The following ATP11A variants were observed in gnomAD, a reference collection of about 807,000 sequenced individuals.
ATP11A encodes the protein ATPase phospholipid transporting 11A.
Under a neutral mutation model 154.4 loss-of-function variants are expected in ATP11A, and 81 were observed. That is an observed-to-expected ratio of 0.52 (90% CI 0.44 to 0.63). ATP11A has a LOEUF of 0.63. Among genes scored for constraint, ATP11A ranks in the 30% least tolerant of loss-of-function variants. The pLI is 0.00. For missense variants in ATP11A, 1,316 were observed against 1,474.3 expected (o/e 0.89, Z 1.76); for synonymous variants, 623 against 585.9 (o/e 1.06, Z -0.91).
In ATP11A at chr13:112,831,468, C is replaced by T. The variant is rs748339172; in HGVS notation, c.1315C>T (p.His439Tyr). 2 of 1,614,194 alleles carry T rather than the reference C, an allele frequency of 1.2e-6. No homozygotes were observed. Among genetic ancestry groups the T allele is most frequent in the Admixed American group, 3.3e-5 (2 of 60,030 alleles). Residue 439 changes from histidine (H) to tyrosine (Y), a missense_variant, in exon 13 of 30, where the codon CAC (histidine) becomes TAC (tyrosine). Physicochemically the swap from His to Tyr is moderately conservative, Grantham distance 83. Coordinates refer to ENST00000375645, the MANE Select transcript of ATP11A (RefSeq NM_015205.3). ...CATCGAAGGCCATGTCTACGTGCCC[C>T]ACGTCATCTGCAACGGGCAGGTCCT... The part of the protein sequence containing the change: ...CCIEGHVYVP[H>Y]VICNGQVLPE...
intron 1 of ATP11A, among the ~76,000 whole-genome samples, chr13:112,709,558 C>T (rs1887510860): frequency 6.6e-6 from 1 of 152,206 alleles, no homozygotes; most frequent in Non-Finnish European, 1.5e-5. Context: ...ACTTGGTCTC[C>T]ACAATCCTTT....
chr13:112,840,519 T>TC (rs1325176474), intron 16 of ATP11A, among the ~76,000 whole-genome samples: 19 of 46,116 alleles, frequency 4.1e-4, no homozygotes, highest in Admixed American at 1.3e-3. Flanking sequence ...CACTTTCTCA[T>TC]CCCCCCCCAG....
chr13:112,879,022 C>T (rs568951834), intron 29 of ATP11A, among the ~76,000 whole-genome samples: 1 of 152,368 alleles, frequency 6.6e-6, no homozygotes, highest in East Asian at 1.9e-4. Flanking sequence ...GAGGCGTTCA[C>T]ACGCCATTTT....
chr13:112,716,571 C>T (rs1368756143), intron 1 of ATP11A, among the ~76,000 whole-genome samples: 1 of 152,192 alleles, frequency 6.6e-6, no homozygotes, highest in East Asian at 1.9e-4. Context: ...CGTTCCCCAC[C>T]TTCCACTGTG....
At chr13:112,802,821 A>C (rs1186613491) in intron 2 of ATP11A, among the ~76,000 whole-genome samples, 1 of 152,212 alleles carries the variant, frequency 6.6e-6, no homozygotes, top group Non-Finnish European at 1.5e-5. Context: ...AGTTAAGAGA[A>C]TTAAAATATG....
chr13:112,710,964 GCCACCCAC>G (rs56146212), intron 1 of ATP11A, among the ~76,000 whole-genome samples: 8,424 of 124,590 alleles, frequency 0.068, 854 homozygotes, highest in African/African-American at 0.22. Flanking sequence ...ACCACCCGGA[GCCACCCAC>G]CCACCCACCC....
chr13:112,869,053 AC>A (rs1342549961), intron 25 of ATP11A, among the ~76,000 whole-genome samples: 1 of 151,846 alleles, frequency 6.6e-6, no homozygotes, highest in African/African-American at 2.4e-5. Context: ...CCTCCAACAC[AC>A]GGGGATTATA....
At chr13:112,779,178 T>G in intron 1 of ATP11A, among the ~76,000 whole-genome samples, 1 of 119,184 alleles carries the variant, frequency 8.4e-6, no homozygotes, top group Non-Finnish European at 1.7e-5. Flanking sequence ...GGAGTACGAG[T>G]AGCCGCTGGA....
chr13:112,694,506 T>C (rs964760397), intron 1 of ATP11A, among the ~76,000 whole-genome samples: 2 of 152,204 alleles, frequency 1.3e-5, no homozygotes, highest in Non-Finnish European at 2.9e-5. Context: ...CTTTACACGC[T>C]GTGGTAAAAC....
At chr13:112,776,080 G>A (rs1291708881) in intron 1 of ATP11A, among the ~76,000 whole-genome samples, 2 of 152,222 alleles carry the variant, frequency 1.3e-5, no homozygotes, top group African/African-American at 4.8e-5. Context: ...TGACCTGCAG[G>A]CTCGGAGTCC....
At chr13:112,780,776 A>G (rs1457633416) in intron 1 of ATP11A, among the ~76,000 whole-genome samples, 3 of 152,114 alleles carry the variant, frequency 2.0e-5, no homozygotes, top group Admixed American at 6.6e-5. Flanking sequence ...TTAATGAGTC[A>G]TTAGGAAACC....
chr13:112,876,696 A>G (rs980534109), intron 28 of ATP11A, among the ~76,000 whole-genome samples: 16 of 152,216 alleles, frequency 1.1e-4, no homozygotes, highest in Admixed American at 4.6e-4. Flanking sequence ...CTGAAGCCCA[A>G]TGGGGAAATG....
At chr13:112,794,177 C>T (rs1320404040) in intron 2 of ATP11A, among the ~76,000 whole-genome samples, 1 of 152,196 alleles carries the variant, frequency 6.6e-6, no homozygotes, top group East Asian at 1.9e-4. Flanking sequence ...GTGGCTTTCA[C>T]GCCAGGAGCT....
Position 112,845,490 on chromosome 13 carries a change from T to C in ATP11A, c.1809+3111T>C, listed in dbSNP as rs199930740. ...ATTCAGTCCAGTTGCCAGGCACTAGTGGTTCTAACCAGTCCAGTTGCCGGC... is the reference window on the plus strand; with the variant it reads ...ATTCAGTCCAGTTGCCAGGCACTAGCGGTTCTAACCAGTCCAGTTGCCGGC... On this transcript the variant is annotated intron_variant, in intron 17 of 29. Transcript: ENST00000375645. Among the ~76,000 whole-genome samples, 5 of 101,918 alleles carry C rather than the reference T, an allele frequency of 4.9e-5. 1 individual carries two copies. The highest frequency in any genetic ancestry group is 5.5e-4 in the South Asian group (2 of 3,616). The allele number at this position is 101,918 out of a possible 152,430, so 66.9% of individuals were successfully genotyped here.
intron 1 of ATP11A, among the ~76,000 whole-genome samples, chr13:112,745,213 C>T (rs1254846800): frequency 1.3e-5 from 2 of 152,130 alleles, no homozygotes; most frequent in Non-Finnish European, 2.9e-5. Flanking sequence ...TACAGGCGCC[C>T]GCTACCACGC....
intron 2 of ATP11A, among the ~76,000 whole-genome samples, chr13:112,787,224 C>T (rs1354615780): frequency 3.4e-4 from 46 of 135,266 alleles, no homozygotes; most frequent in African/African-American, 1.2e-3. Flanking sequence ...ATGTGTAGAC[C>T]CCTGTGGATA....
At chr13:112,707,816 C>T (rs760324056) in intron 1 of ATP11A, among the ~76,000 whole-genome samples, 1 of 152,180 alleles carries the variant, frequency 6.6e-6, no homozygotes, top group East Asian at 1.9e-4. Context: ...CCGAGAAGCT[C>T]CAAAGCACTT....
chr13:112,788,273 C>A (rs138942854), intron 2 of ATP11A, among the ~76,000 whole-genome samples: 1 of 150,258 alleles, frequency 6.7e-6, no homozygotes, highest in Admixed American at 6.6e-5. Flanking sequence ...TAATTCACAC[C>A]GGGTATTCTG....
chr13:112,875,238 G>A lies in ATP11A; in HGVS notation c.3162-538G>A, dbSNP rs2080682060. 6.6e-6 allele frequency among the ~76,000 whole-genome samples: 1 copy of A among 152,188 alleles called. No homozygotes were observed. The highest frequency in any genetic ancestry group is 6.5e-5 in the Admixed American group (1 of 15,278). On this transcript the variant is annotated intron_variant, in intron 27 of 29. Transcript: ENST00000375645. This position sits in a 1 kb window ranked among gnomAD's most constrained non-coding sequence, Gnocchi z 4.1. ...CCGTAGTGCCTGGGATGTGAAAGGC[G>A]ATCAGGAAACGTTACCGGAAGGCAC...
Sources: gnomAD v4.1 joint callset for allele counts (sites outside exome capture counted in the v4.1 genomes callset) on GRCh38, gnomAD v4.1.1 for gene constraint, Gnocchi (gnomAD v3.1) non-coding constraint, MANE v1.5 for transcripts, NCBI Gene and HGNC (gene_info 2026-07-23, HGNC 2026-07-21) for gene names.